The following ADGRB3 variants were observed in gnomAD, a reference collection of about 807,000 sequenced individuals.
The protein encoded by ADGRB3 is brain-specific angiogenesis inhibitor 3.
ADGRB3 carries 37 observed loss-of-function variants against 193.4 expected under a neutral mutation model. The observed-to-expected ratio is 0.19, with a 90% CI of 0.15 to 0.25. ADGRB3 has a LOEUF of 0.25. Ranked by LOEUF, ADGRB3 falls within the 10% of genes least tolerant of loss-of-function variation. The probability of loss-of-function intolerance (pLI) is 1.00; values close to 1 mark genes in which losing one functional copy is unlikely to be tolerated. For synonymous variants in ADGRB3, 690 were observed against 644.2 expected (o/e 1.07, Z -1.08); for missense variants, 1,637 against 1,852.9 (o/e 0.88, Z 2.14).
intron 3 of ADGRB3, among the ~76,000 whole-genome samples, chr6:68,898,295 GC>G (rs1221079475): frequency 6.6e-6 from 1 of 151,964 alleles, no homozygotes; most frequent in South Asian, 2.1e-4. Context: ...CTGTAAATCT[GC>G]TTCTCCTTCC....
At chr6:68,778,815 G>A (rs1360307614) in intron 3 of ADGRB3, among the ~76,000 whole-genome samples, 1 of 152,042 alleles carries the variant, frequency 6.6e-6, no homozygotes, top group East Asian at 1.9e-4. Context: ...ATCTGGTGGA[G>A]CACAGAAGGC....
At chr6:68,677,423 A>G (rs762694205) in intron 3 of ADGRB3, among the ~76,000 whole-genome samples, 2 of 152,008 alleles carry the variant, frequency 1.3e-5, no homozygotes, top group Non-Finnish European at 2.9e-5. Flanking sequence ...TTGCCATTAT[A>G]CAGTCTTTCT....
chr6:69,039,727 C>CATA (rs931821499), intron 13 of ADGRB3, among the ~76,000 whole-genome samples: 16 of 149,016 alleles, frequency 1.1e-4, no homozygotes, highest in Middle Eastern at 3.5e-3. Flanking sequence ...AGGAAGATTA[C>CATA]ATAATTGTTT....
At chr6:69,034,541 A>T (rs1770809088) in intron 13 of ADGRB3, among the ~76,000 whole-genome samples, 2 of 148,210 alleles carry the variant, frequency 1.3e-5, no homozygotes, top group South Asian at 2.1e-4. Flanking sequence ...AATTTATTTT[A>T]TACTACATAT....
chr6:69,329,265 T>C (rs1371463981), intron 22 of ADGRB3, among the ~76,000 whole-genome samples: 1 of 152,160 alleles, frequency 6.6e-6, no homozygotes, highest in African/African-American at 2.4e-5. Context: ...AAGGTTTTTT[T>C]CTCCAGGTAT....
intron 3 of ADGRB3, among the ~76,000 whole-genome samples, chr6:68,873,891 A>T (rs969410431): frequency 6.6e-6 from 1 of 152,040 alleles, no homozygotes; most frequent in Admixed American, 6.5e-5. Context: ...TTTATTTTAT[A>T]AAAAAATTAG....
chr6:69,294,888 G>A (rs1365916415), intron 20 of ADGRB3, among the ~76,000 whole-genome samples: 6 of 152,094 alleles, frequency 3.9e-5, no homozygotes, highest in Non-Finnish European at 1.5e-5. Context: ...TGATTTCAGT[G>A]ATAAAACTTA....
chr6:69,068,405 T>C (rs1339309051), intron 16 of ADGRB3, among the ~76,000 whole-genome samples: 1 of 152,230 alleles, frequency 6.6e-6, no homozygotes, highest in Non-Finnish European at 1.5e-5. Flanking sequence ...TCTATTTCTT[T>C]ATTAAAGTTA....
intron 3 of ADGRB3, among the ~76,000 whole-genome samples, chr6:68,802,434 T>G (rs545419639): frequency 6.6e-6 from 1 of 152,318 alleles, no homozygotes; most frequent in Non-Finnish European, 1.5e-5. Flanking sequence ...TAAAGTTTAT[T>G]CACTGGTGTG....
intron 17 of ADGRB3, among the ~76,000 whole-genome samples, chr6:69,104,616 T>C (rs1242272153): frequency 6.6e-6 from 1 of 152,130 alleles, no homozygotes; most frequent in African/African-American, 2.4e-5. Flanking sequence ...TATGTTGCTC[T>C]TTTCTATAAT....
At chr6:69,181,222 A>G (rs1319230044) in intron 17 of ADGRB3, among the ~76,000 whole-genome samples, 1 of 152,128 alleles carries the variant, frequency 6.6e-6, no homozygotes, top group Non-Finnish European at 1.5e-5. Context: ...TACAGCTCAT[A>G]GAGTTTCTCT....
At chr6:69,354,427 AT>A in intron 27 of ADGRB3, 99 bp downstream of exon 27, 2 of 1,032,506 alleles carry the variant, frequency 1.9e-6, no homozygotes, top group Non-Finnish European at 1.5e-6. Context: ...TTTCATTTTG[AT>A]TGACTTTGGC....
intron 17 of ADGRB3, among the ~76,000 whole-genome samples, chr6:69,194,952 A>T (rs1484664910): frequency 6.6e-6 from 1 of 152,166 alleles, no homozygotes; most frequent in Non-Finnish European, 1.5e-5. Flanking sequence ...TTAGCTGCTA[A>T]TATTTTTTAT....
intron 17 of ADGRB3, among the ~76,000 whole-genome samples, chr6:69,206,045 G>GTATATGTATATA (rs1554169624): frequency 1.0e-5 from 1 of 99,930 alleles, no homozygotes; most frequent in African/African-American, 3.8e-5. Context: ...TATAATAATG[G>GTATATGTATATA]TATATATATA....
chr6:68,702,231 G>GA (rs1254019764), intron 3 of ADGRB3, among the ~76,000 whole-genome samples: 19 of 127,982 alleles, frequency 1.5e-4, no homozygotes, highest in Admixed American at 3.9e-4. Flanking sequence ...AGAGAGAGAG[G>GA]AGAGGGAGGG....
intron 29 of ADGRB3, among the ~76,000 whole-genome samples, chr6:69,363,389 G>T (rs990999393): frequency 3.2e-4 from 49 of 152,012 alleles, no homozygotes; most frequent in African/African-American, 1.2e-3. Context: ...ATAGATGTGG[G>T]AATGAATAAT....
intron 17 of ADGRB3, among the ~76,000 whole-genome samples, chr6:69,112,065 A>G (rs753841651): frequency 6.6e-6 from 1 of 152,248 alleles, no homozygotes; most frequent in Non-Finnish European, 1.5e-5. Flanking sequence ...TGTAATAAAT[A>G]TCTAAAAAAT....
At chr6:69,322,986 G>A (rs1768493583) in intron 20 of ADGRB3, among the ~76,000 whole-genome samples, 1 of 151,950 alleles carries the variant, frequency 6.6e-6, no homozygotes, top group South Asian at 2.1e-4. Flanking sequence ...AAAATTACAT[G>A]TGCTTCAATT....
At chr6:69,360,802 A>T in intron 28 of ADGRB3, 67 bp from the exon 29 acceptor site, 1 of 1,440,910 alleles carries the variant, frequency 6.9e-7, no homozygotes, top group Admixed American at 2.3e-5. Context: ...GCGAGACAAC[A>T]TAATATAATA....
Sources: allele counts gnomAD v4.1 joint callset (sites outside exome capture counted in the v4.1 genomes callset), GRCh38; gene constraint gnomAD v4.1.1; transcripts MANE v1.5; gene names NCBI Gene and HGNC (gene_info 2026-07-23, HGNC 2026-07-21).